The following CYYR1 variants were observed in gnomAD, a reference collection of about 807,000 sequenced individuals.
CYYR1 encodes the protein cysteine and tyrosine rich 1, also known as cysteine and tyrosine-rich protein 1.
In CYYR1, 14 loss-of-function variants were observed where a neutral mutation model predicts 15.2. That is an observed-to-expected ratio of 0.92 (90% confidence interval 0.61 to 1.44). The LOEUF (loss-of-function observed/expected upper bound fraction) is 1.44, where lower values mean the gene tolerates loss of function less well. CYYR1 is among the 40% of genes most tolerant of loss of function. CYYR1 has a pLI of 0.00. For synonymous variants in CYYR1, 80 were observed against 77.4 expected (o/e 1.03, Z -0.18); for missense variants, 228 against 209.5 (o/e 1.09, Z -0.54).
rs560063427 is a variant in CYYR1, at chr21:26,510,624, A to G, written c.177-30195T>C. On this transcript the variant is annotated intron_variant, in intron 2 of 3. Transcript: ENST00000652641. The stretch of plus-strand genomic sequence containing the variant: ...ATGTGTATTTAGCACAAGGTATGAT[A>G]CTGACAAAATATCAGCTATTTGAAA... Among the ~76,000 whole-genome samples, 4 of 152,338 alleles carry G rather than the reference A, an allele frequency of 2.6e-5. 1 individual carries two copies. In the South Asian group the frequency reaches 8.3e-4, roughly 32 times the overall value.
intron 2 of CYYR1, among the ~76,000 whole-genome samples, chr21:26,492,635 C>A (rs2065343568): frequency 6.6e-6 from 1 of 151,788 alleles, no homozygotes; most frequent in African/African-American, 2.4e-5. Flanking sequence ...ACCACAAAGT[C>A]AGAAACGTAC....
At chr21:26,533,631 C>A (rs1198351894) in intron 2 of CYYR1, among the ~76,000 whole-genome samples, 3 of 152,148 alleles carry the variant, frequency 2.0e-5, no homozygotes, top group African/African-American at 4.8e-5. Context: ...TCCAGAAACA[C>A]CCTCACAGTC....
At chr21:26,553,047 A>T (rs1979507860) in intron 2 of CYYR1, among the ~76,000 whole-genome samples, 1 of 152,070 alleles carries the variant, frequency 6.6e-6, no homozygotes, top group African/African-American at 2.4e-5. Flanking sequence ...CTGCTGGATT[A>T]ATATTTTCTT....
chr21:26,482,304 C>A, intron 2 of CYYR1: 2 of 980,582 alleles, frequency 2.0e-6, no homozygotes, highest in Non-Finnish European at 2.4e-6. Flanking sequence ...TTTTATTTTT[C>A]CATATACATA....
chr21:26,480,336 G>A lies in CYYR1; in HGVS notation c.270C>T (p.Asn90=), dbSNP rs776790380. The change falls in exon 3 of 4, where the codon AAC becomes AAT. Residue 90 remains asparagine, a synonymous_variant. Coordinates refer to ENST00000652641, the MANE Select transcript of CYYR1 (RefSeq NM_001320768.2). The part of the protein sequence containing the change: ...IAICICMCMK[N]HRATRVGILR... ...GGATGCCCACGCGGGTCGCCCTGTGGTTCTTCATGCACATGCAGATGCATA... is the reference window on the plus strand; with the variant it reads ...GGATGCCCACGCGGGTCGCCCTGTGATTCTTCATGCACATGCAGATGCATA... The A allele has an allele frequency of 6.2e-7, 1 of 1,613,574 alleles. No homozygotes were observed. Among genetic ancestry groups the A allele is most frequent in the Non-Finnish European group, 8.5e-7 (1 of 1,179,706 alleles).
At chr21:26,468,942 C>G (rs2065001108) in intron 3 of CYYR1, among the ~76,000 whole-genome samples, 1 of 102,336 alleles carries the variant, frequency 9.8e-6, no homozygotes. Context: ...AGCCCTTCAT[C>G]TCAAGCAAAA....
At chr21:26,474,782 A>G (rs1196738501) in intron 3 of CYYR1, among the ~76,000 whole-genome samples, 1 of 152,114 alleles carries the variant, frequency 6.6e-6, no homozygotes, top group Non-Finnish European at 1.5e-5. Flanking sequence ...ACCCTTTAGT[A>G]TCTTTCTAGA....
chr21:26,486,980 G>T (rs1055110643), intron 2 of CYYR1, among the ~76,000 whole-genome samples: 2 of 151,930 alleles, frequency 1.3e-5, no homozygotes, highest in African/African-American at 4.8e-5. Context: ...AAATCAAAGG[G>T]CTTATGAATA....
In CYYR1 at chr21:26,467,855, TTC is replaced by T. The variant is rs1368967679; in HGVS notation, c.*644_*645del. ...CACCCACCTAAAATACGAGCAGAAC[TTC>T]TGAGGCCCAATGAACCCATCTACTA... On this transcript the variant is annotated 3_prime_UTR_variant, in exon 4 of 4. Coordinates refer to ENST00000652641, the MANE Select transcript of CYYR1 (RefSeq NM_001320768.2). 3 of 154,124 alleles carry T rather than the reference TTC, an allele frequency of 1.9e-5. No individual in the cohort carries two copies. The highest frequency in any genetic ancestry group is 4.1e-4 in the South Asian group (2 of 4,936). 9.5% of individuals were successfully genotyped at this position (154,124 alleles called of 1,614,324 possible).
chr21:26,473,709 C>T (rs1350089792), intron 3 of CYYR1, among the ~76,000 whole-genome samples: 1 of 152,098 alleles, frequency 6.6e-6, no homozygotes, highest in Admixed American at 6.5e-5. Flanking sequence ...TGAGAAATCA[C>T]CTGCTGAGAG....
At chr21:26,474,635 ATCGT>A (rs1250047259) in intron 3 of CYYR1, among the ~76,000 whole-genome samples, 1 of 151,998 alleles carries the variant, frequency 6.6e-6, no homozygotes, top group Non-Finnish European at 1.5e-5. Context: ...AACTTCTCTT[ATCGT>A]TCTTGTGATT....
rs1480378515 is a variant in CYYR1 at position 26,467,886 on chromosome 21, G to A, written c.*615C>T. On this transcript the variant is annotated 3_prime_UTR_variant, in exon 4 of 4. Coordinates refer to ENST00000652641, the MANE Select transcript of CYYR1 (RefSeq NM_001320768.2). Reference sequence around the variant, plus strand: ...GGCCCAATGAACCCATCTACTATTTGATTTTGTTATCCCTTCTGGAGCGTG... The same window carrying A: ...GGCCCAATGAACCCATCTACTATTTAATTTTGTTATCCCTTCTGGAGCGTG... 1 of 155,346 alleles carries A rather than the reference G, an allele frequency of 6.4e-6. No homozygotes were observed. Among genetic ancestry groups the A allele is most frequent in the African/African-American group, 2.4e-5 (1 of 41,416 alleles). 9.6% of individuals were successfully genotyped at this position (155,346 alleles called of 1,614,324 possible). A position where few individuals can be genotyped will look rare whatever the true frequency, so the allele number is the denominator to read the frequency against.
chr21:26,553,265 A>AT (rs879901744), intron 2 of CYYR1, among the ~76,000 whole-genome samples: 112 of 151,796 alleles, frequency 7.4e-4, no homozygotes, highest in East Asian at 1.9e-3. Flanking sequence ...CTGCTTCCAA[A>AT]TTTTTTTTCT....
intron 2 of CYYR1, among the ~76,000 whole-genome samples, chr21:26,513,244 T>C (rs2065675352): frequency 6.6e-6 from 1 of 152,210 alleles, no homozygotes; most frequent in African/African-American, 2.4e-5. Context: ...GTACGATCCT[T>C]AGTCTTGCAC....
At chr21:26,572,490 ACAAGAGGGAAAAC>A (rs1227893416) in intron 1 of CYYR1, among the ~76,000 whole-genome samples, 2 of 152,160 alleles carry the variant, frequency 1.3e-5, no homozygotes, top group African/African-American at 2.4e-5. Flanking sequence ...TTTTTTATTC[ACAAGAGGGAAAAC>A]CAGGACTATT....
At chr21:26,546,382 T>C (rs951894460) in intron 2 of CYYR1, among the ~76,000 whole-genome samples, 1 of 152,206 alleles carries the variant, frequency 6.6e-6, no homozygotes, top group African/African-American at 2.4e-5. Flanking sequence ...AGGAGTCACT[T>C]TGATCACACA....
chr21:26,493,561 G>T (rs1284215618), intron 2 of CYYR1, among the ~76,000 whole-genome samples: 2 of 152,090 alleles, frequency 1.3e-5, no homozygotes, highest in African/African-American at 4.8e-5. Context: ...AAAGCTACTG[G>T]ACACTCCTAA....
chr21:26,494,794 A>C (rs1324240759), intron 2 of CYYR1, among the ~76,000 whole-genome samples: 1 of 138,562 alleles, frequency 7.2e-6, no homozygotes, highest in Non-Finnish European at 1.6e-5. Context: ...TTTTAGAAGC[A>C]GTTACTATAA....
intron 2 of CYYR1, among the ~76,000 whole-genome samples, chr21:26,489,034 A>G (rs537878218): frequency 1.3e-5 from 2 of 152,326 alleles, no homozygotes; most frequent in South Asian, 4.1e-4. Flanking sequence ...AAACAAAAGC[A>G]AATATTTAAT....
Sources: allele counts gnomAD v4.1 joint callset (sites outside exome capture counted in the v4.1 genomes callset), GRCh38; gene constraint gnomAD v4.1.1; transcripts MANE v1.5; gene names NCBI Gene and HGNC (gene_info 2026-07-23, HGNC 2026-07-21).